The following RNASET2 variants were observed in gnomAD, a reference collection of about 807,000 sequenced individuals.
RNASET2 encodes ribonuclease T2.
In RNASET2, 28 loss-of-function variants were observed where a neutral mutation model predicts 33.9. That is an observed-to-expected ratio of 0.83 (90% CI 0.61 to 1.13). The LOEUF is 1.13. RNASET2 is among the 50% of genes most tolerant of loss of function. The pLI is 0.00. For missense variants in RNASET2, 330 were observed against 319.9 expected, an observed-to-expected ratio of 1.03 and a Z score of -0.24; for synonymous variants, 123 against 121.0, an observed-to-expected ratio of 1.02 and a Z score of -0.11.
chr6:166,944,675 C>A (rs895232636), intron 4 of RNASET2, among the ~76,000 whole-genome samples: 4 of 152,078 alleles, frequency 2.6e-5, no homozygotes, highest in African/African-American at 9.7e-5. Flanking sequence ...GACCCACGAC[C>A]CACCCACGCC....
At chr6:166,952,611 C>A in intron 1 of RNASET2, 63 bp from the exon 2 acceptor site, 1 of 1,254,746 alleles carries the variant, frequency 8.0e-7, no homozygotes, top group Non-Finnish European at 1.2e-6. Flanking sequence ...AAAAATTCAT[C>A]CACCCATCCA....
chr6:166,946,700 G>T lies in RNASET2; in HGVS notation c.243C>A (p.Phe81Leu). The stretch of plus-strand genomic sequence containing the variant: ...TCAATACCTTAATCTCTTCTAAATT[G>T]AAGGGCCACGATCTATTACATCCTT... ...KSEGCNRSWP[F>L]NLEEIKDLLP... The change falls in exon 4 of 9, where the codon TTC becomes TTA. Residue 81 changes from phenylalanine (F) to leucine (L), a missense_variant. Phe to Leu is a conservative substitution (Grantham distance 22, BLOSUM62 0). Coordinates refer to ENST00000508775, the MANE Select transcript of RNASET2 (RefSeq NM_003730.6). 6.4e-7 allele frequency: 1 copy of T among 1,559,460 alleles called. No individual in the cohort carries two copies. The highest frequency in any genetic ancestry group is 8.8e-7 in the Non-Finnish European group (1 of 1,140,678).
intron 5 of RNASET2, 119 bp downstream of exon 5, chr6:166,942,900 C>A (rs534362118): frequency 1.2e-6 from 1 of 823,018 alleles, no homozygotes. Flanking sequence ...AACTGCTCAG[C>A]CCCAGAAGAC....
In RNASET2 at chr6:166,943,086, G is replaced by T; in HGVS notation, c.265C>A (p.Leu89Ile). Reference sequence around the variant, plus strand: ...CAGTATGCCCTCATTTCTGGCAAAAGATCCTATGCATTAAAAAATAAAATA... The same window carrying T: ...CAGTATGCCCTCATTTCTGGCAAAATATCCTATGCATTAAAAAATAAAATA... Reference protein sequence around the residue: ...WPFNLEEIKDLLPEMRAYWPD... With the variant: ...WPFNLEEIKDILPEMRAYWPD... The change falls in exon 5 of 9, where the codon CTT becomes ATT. Residue 89 changes from leucine (L) to isoleucine (I), a missense_variant. Leu to Ile is a conservative substitution (Grantham distance 5). Coordinates refer to ENST00000508775, the MANE Select transcript of RNASET2 (RefSeq NM_003730.6). 1.2e-6 allele frequency: 2 copies of T among 1,611,790 alleles called. No individual in the cohort carries two copies. The highest frequency in any genetic ancestry group is 8.5e-7 in the Non-Finnish European group (1 of 1,178,358).
chr6:166,930,869 T>A (rs751700509), intron 8 of RNASET2, among the ~76,000 whole-genome samples, 175 bp downstream of exon 8: 1 of 149,218 alleles, frequency 6.7e-6, no homozygotes, highest in Non-Finnish European at 1.5e-5. Flanking sequence ...ACACAGCACA[T>A]GCACACATGC....
rs1022945557 is a variant in RNASET2 at position 166,924,620 on chromosome 6, A to G, written c.*4968T>C. Among the ~76,000 whole-genome samples, 1 of 152,026 alleles carries G rather than the reference A, an allele frequency of 6.6e-6. No individual in the cohort carries two copies. The highest frequency in any genetic ancestry group is 6.5e-5 in the Admixed American group (1 of 15,268). ...GGAAGCCTTCCCTGGCCGCCTTCATAACTCTGACCTCCTCCCTCCCTCCAA... is the reference window on the plus strand; with the variant it reads ...GGAAGCCTTCCCTGGCCGCCTTCATGACTCTGACCTCCTCCCTCCCTCCAA... On this transcript the variant is annotated 3_prime_UTR_variant, in exon 9 of 9. Coordinates refer to ENST00000508775, the MANE Select transcript of RNASET2 (RefSeq NM_003730.6).
At chr6:166,945,909 C>T (rs1778830029) in intron 4 of RNASET2, among the ~76,000 whole-genome samples, 1 of 151,896 alleles carries the variant, frequency 6.6e-6, no homozygotes, top group Non-Finnish European at 1.5e-5. Flanking sequence ...GGGAATGTAC[C>T]ATTCCTAGGA....
At chr6:166,942,853 T>C (rs926483515) in intron 5 of RNASET2, among the ~76,000 whole-genome samples, 166 bp downstream of exon 5, 3 of 152,210 alleles carry the variant, frequency 2.0e-5, no homozygotes, top group African/African-American at 7.2e-5. Context: ...GCACCAAAAA[T>C]GCCGTAACAG....
At position 166,925,618 on chromosome 6, in the gene RNASET2, C is replaced by T. The variant is rs906349455; in HGVS notation, c.*3970G>A. 1.3e-5 allele frequency among the ~76,000 whole-genome samples: 2 copies of T among 152,216 alleles called. No individual in the cohort carries two copies. The highest frequency in any genetic ancestry group is 4.8e-5 in the African/African-American group (2 of 41,444). On this transcript the variant is annotated 3_prime_UTR_variant, in exon 9 of 9. Transcript: ENST00000508775. ...CCACATTGTCCGCATCTACACTGTA[C>T]GGCCCTCCCCTGTGCCATCCAGCTG...
intron 6 of RNASET2, among the ~76,000 whole-genome samples, chr6:166,936,399 C>CAGG (rs1376463505): frequency 6.6e-6 from 1 of 151,734 alleles, no homozygotes; most frequent in Non-Finnish European, 1.5e-5. Flanking sequence ...TGTCGCTATA[C>CAGG]AGGAATACCT....
At chr6:166,930,255 G>C (rs1160543337) in intron 8 of RNASET2, among the ~76,000 whole-genome samples, 3 of 152,240 alleles carry the variant, frequency 2.0e-5, no homozygotes, top group Non-Finnish European at 4.4e-5. Context: ...CCCTGTCCTA[G>C]CATGCTGTCA....
At chr6:166,953,938 T>C (rs1172300558) in intron 1 of RNASET2, among the ~76,000 whole-genome samples, 2 of 151,890 alleles carry the variant, frequency 1.3e-5, no homozygotes, top group Non-Finnish European at 2.9e-5. Flanking sequence ...AAGCATTTTT[T>C]ACCCTTGGGT....
intron 8 of RNASET2, 43 bp from the exon 9 acceptor site, chr6:166,929,834 G>A: frequency 6.4e-7 from 1 of 1,553,636 alleles, no homozygotes; most frequent in Non-Finnish European, 8.9e-7. Context: ...TCAGATCTTG[G>A]ATTATCATCA....
At position 166,927,903 on chromosome 6, in the gene RNASET2, CAG is replaced by C. The variant is rs1464712710; in HGVS notation, c.*1683_*1684del. ...CAAAACACAAATCATCAGTTCCCGACAGAAACAAATCCTGCCCTGCCAAGCCA... is the reference window on the plus strand; with the variant it reads ...CAAAACACAAATCATCAGTTCCCGACAAACAAATCCTGCCCTGCCAAGCCA... On this transcript the variant is annotated 3_prime_UTR_variant, in exon 9 of 9. Coordinates refer to ENST00000508775, the MANE Select transcript of RNASET2 (RefSeq NM_003730.6). Among the ~76,000 whole-genome samples, 4 of 152,020 alleles carry C rather than the reference CAG, an allele frequency of 2.6e-5. No homozygotes were observed. The highest frequency in any genetic ancestry group is 5.9e-5 in the Non-Finnish European group (4 of 68,006).
In RNASET2 at chr6:166,930,047, G is replaced by C. The variant is rs369658483; in HGVS notation, c.568-256C>G. Among the ~76,000 whole-genome samples, 229 of 152,310 alleles carry C rather than the reference G, an allele frequency of 1.5e-3. 1 individual carries two copies. Among genetic ancestry groups the C allele is most frequent in the African/African-American group, 5.4e-3 (223 of 41,566 alleles). On this transcript the variant is annotated intron_variant, in intron 8 of 8. Coordinates refer to ENST00000508775, the MANE Select transcript of RNASET2 (RefSeq NM_003730.6). Reference sequence around the variant, plus strand: ...GTTGGATCCCCTGGTCACCACCAGAGGCCAGCCTGGTGCCCTGGTGAAAAG... The same window carrying C: ...GTTGGATCCCCTGGTCACCACCAGACGCCAGCCTGGTGCCCTGGTGAAAAG...
intron 3 of RNASET2, among the ~76,000 whole-genome samples, chr6:166,947,300 T>C (rs1392676507): frequency 6.6e-6 from 1 of 152,190 alleles, no homozygotes; most frequent in African/African-American, 2.4e-5. Flanking sequence ...TGTCTAGAAC[T>C]TTAACTCCAT....
chr6:166,947,597 A>T (rs1310034772), intron 3 of RNASET2, among the ~76,000 whole-genome samples: 2 of 152,212 alleles, frequency 1.3e-5, no homozygotes, highest in Non-Finnish European at 2.9e-5. Flanking sequence ...CACCACGCAA[A>T]GTCTAGCAAA....
intron 3 of RNASET2, among the ~76,000 whole-genome samples, chr6:166,947,716 C>A (rs552076013): frequency 6.6e-6 from 1 of 152,250 alleles, no homozygotes; most frequent in African/African-American, 2.4e-5. Context: ...TCCACCAATC[C>A]CTCTTCCTAA....
At chr6:166,946,523 C>A in intron 4 of RNASET2, 159 bp downstream of exon 4, 1 of 653,608 alleles carries the variant, frequency 1.5e-6, no homozygotes. Flanking sequence ...TTTGTGGGGT[C>A]GAGATAACAA....
Sources: gnomAD v4.1 joint callset for allele counts (sites outside exome capture counted in the v4.1 genomes callset) on GRCh38, gnomAD v4.1.1 for gene constraint, MANE v1.5 for transcripts, NCBI Gene and HGNC (gene_info 2026-07-23, HGNC 2026-07-21) for gene names.